Variants in GALNT13 observed in about 807,000 individuals in gnomAD.
GALNT13 encodes the protein polypeptide N-acetylgalactosaminyltransferase 13.
In GALNT13, 28 loss-of-function variants were observed where a neutral mutation model predicts 64.2. The ratio of observed to expected loss-of-function variants is 0.44; its 90% CI spans 0.32 to 0.60. The LOEUF (loss-of-function observed/expected upper bound fraction) is 0.60, where lower values mean the gene tolerates loss of function less well. GALNT13 is among the 20% of genes least tolerant of loss of function. The pLI is 0.05. For missense variants in GALNT13, 577 were observed against 669.8 expected (o/e 0.86, Z 1.53); for synonymous variants, 214 against 224.6 (o/e 0.95, Z 0.42).
chr2:154,275,832 C>T (rs1043678484), intron 8 of GALNT13, among the ~76,000 whole-genome samples: 3 of 152,190 alleles, frequency 2.0e-5, no homozygotes, highest in Admixed American at 6.5e-5. Context: ...GGAAAGCTGA[C>T]AGGAGAGGGA....
the GALNT13 span, among the ~76,000 whole-genome samples, chr2:153,566,356 T>TGTTTTTTTTTTTGTTTTTG: frequency 5.6e-5 from 4 of 70,866 alleles, no homozygotes; most frequent in Admixed American, 2.8e-4. Flanking sequence ...ACGTTTTTTT[T>TGTTTTTTTTTTTGTTTTTG]TTTTTTTTTT....
intron 4 of GALNT13, among the ~76,000 whole-genome samples, chr2:154,223,158 A>G (rs1459623927): frequency 6.6e-6 from 1 of 152,164 alleles, no homozygotes; most frequent in Admixed American, 6.6e-5. Flanking sequence ...GTGGTCTTAA[A>G]TCTTCAATAT....
intron 3 of GALNT13, among the ~76,000 whole-genome samples, chr2:153,989,563 T>C (rs1695026640): frequency 6.6e-6 from 1 of 151,980 alleles, no homozygotes; most frequent in African/African-American, 2.4e-5. Flanking sequence ...AATTTAGATA[T>C]CTGCAAAAAT....
intron 9 of GALNT13, among the ~76,000 whole-genome samples, chr2:154,340,481 T>G (rs775989443): frequency 9.9e-5 from 15 of 152,138 alleles, no homozygotes; most frequent in African/African-American, 3.6e-4. Context: ...GTTTTCTTGA[T>G]GATGACTTCA....
the GALNT13 span, among the ~76,000 whole-genome samples, chr2:153,096,185 A>C: frequency 6.6e-6 from 1 of 152,054 alleles, no homozygotes; most frequent in Non-Finnish European, 1.5e-5. Context: ...AAAATTATTC[A>C]TGTTATTCTA....
At chr2:153,331,340 A>G in the GALNT13 span, among the ~76,000 whole-genome samples, 1 of 151,846 alleles carries the variant, frequency 6.6e-6, no homozygotes, top group East Asian at 1.9e-4. Flanking sequence ...TTGTACACCT[A>G]GTAGAATTCA....
chr2:153,091,319 AC>A, the GALNT13 span, among the ~76,000 whole-genome samples: 1 of 151,970 alleles, frequency 6.6e-6, no homozygotes, highest in African/African-American at 2.4e-5. Context: ...TGCTGCTTCT[AC>A]TTTTATATTT....
chr2:154,406,287 T>C (rs1699536519), intron 10 of GALNT13, among the ~76,000 whole-genome samples: 2 of 152,180 alleles, frequency 1.3e-5, no homozygotes, highest in Non-Finnish European at 2.9e-5. Context: ...CATCTCTTGC[T>C]GGCATGACTA....
At chr2:153,510,777 C>T in the GALNT13 span, among the ~76,000 whole-genome samples, 1 of 151,842 alleles carries the variant, frequency 6.6e-6, no homozygotes, top group East Asian at 1.9e-4. Context: ...GGGATAAGGA[C>T]GTATCAGCAA....
chr2:153,104,836 A>G, the GALNT13 span, among the ~76,000 whole-genome samples: 1 of 151,978 alleles, frequency 6.6e-6, no homozygotes, highest in African/African-American at 2.4e-5. Flanking sequence ...TTTTTCACAG[A>G]CCTATTTTGT....
At chr2:153,576,090 C>T in the GALNT13 span, among the ~76,000 whole-genome samples, 16 of 152,164 alleles carry the variant, frequency 1.1e-4, no homozygotes, top group Non-Finnish European at 2.1e-4. Context: ...CACATCTCAA[C>T]TGGTGTCTTA....
At chr2:153,564,202 A>ATT in the GALNT13 span, among the ~76,000 whole-genome samples, 9 of 146,238 alleles carry the variant, frequency 6.2e-5, no homozygotes, top group Non-Finnish European at 8.9e-5. Flanking sequence ...TTATATATAT[A>ATT]TTTTTTTTAC....
the GALNT13 span, among the ~76,000 whole-genome samples, chr2:153,680,514 A>C: frequency 6.6e-6 from 1 of 151,918 alleles, no homozygotes; most frequent in Non-Finnish European, 1.5e-5. Context: ...GATAAGATAC[A>C]GAAATTATAG....
At chr2:153,941,994 C>G (rs575669627) in intron 2 of GALNT13, among the ~76,000 whole-genome samples, 1 of 152,030 alleles carries the variant, frequency 6.6e-6, no homozygotes, top group Non-Finnish European at 1.5e-5. Flanking sequence ...GACTTTTTAT[C>G]ATAAATAAAG....
intron 3 of GALNT13, among the ~76,000 whole-genome samples, chr2:154,013,391 A>G (rs961310875): frequency 2.0e-5 from 3 of 151,948 alleles, no homozygotes; most frequent in African/African-American, 7.3e-5. Context: ...CGTTCCTCAT[A>G]AGCTGGCCCC....
At chr2:153,184,662 G>GT in the GALNT13 span, among the ~76,000 whole-genome samples, 32 of 152,056 alleles carry the variant, frequency 2.1e-4, no homozygotes, top group South Asian at 2.7e-3. Flanking sequence ...TTTATTGAGA[G>GT]TTTTTTTAAC....
the GALNT13 span, among the ~76,000 whole-genome samples, chr2:153,327,399 C>G: frequency 1.3e-5 from 2 of 152,092 alleles, no homozygotes; most frequent in Admixed American, 1.3e-4. Flanking sequence ...AGAGTGTTTT[C>G]CAACTTGGTT....
chr2:153,343,087 A>C, the GALNT13 span, among the ~76,000 whole-genome samples: 1 of 152,300 alleles, frequency 6.6e-6, no homozygotes, highest in South Asian at 2.1e-4. Context: ...GTTTGTCACT[A>C]CAATATTTGT....
the GALNT13 span, among the ~76,000 whole-genome samples, chr2:153,793,468 C>T: frequency 3.3e-5 from 5 of 152,050 alleles, no homozygotes; most frequent in African/African-American, 1.2e-4. Context: ...CTTCTTAATC[C>T]TTTAATGGTG....
Sources: allele counts gnomAD v4.1 joint callset (sites outside exome capture counted in the v4.1 genomes callset), GRCh38; gene constraint gnomAD v4.1.1; transcripts MANE v1.5; gene names NCBI Gene and HGNC (gene_info 2026-07-23, HGNC 2026-07-21).